The following AMPH variants were observed in gnomAD, a reference collection of about 807,000 sequenced individuals.
AMPH encodes the protein amphiphysin.
A neutral mutation model predicts 99.1 loss-of-function variants in AMPH; 49 were observed. The ratio of observed to expected loss-of-function variants is 0.49; its 90% CI spans 0.39 to 0.63. The LOEUF is 0.63. Among genes scored for constraint, AMPH ranks in the 20% least tolerant of loss-of-function variants. The probability of loss-of-function intolerance (pLI) is 0.00; values close to 1 mark genes in which losing one functional copy is unlikely to be tolerated. For synonymous variants in AMPH, 314 were observed against 317.3 expected, an observed-to-expected ratio of 0.99 and a Z score of 0.11; for missense variants, 759 against 863.4, an observed-to-expected ratio of 0.88 and a Z score of 1.52.
At chr7:38,529,110 TC>T (rs1234255977) in intron 2 of AMPH, among the ~76,000 whole-genome samples, 3 of 152,182 alleles carry the variant, frequency 2.0e-5, no homozygotes, top group Non-Finnish European at 4.4e-5. Flanking sequence ...GCCTCCCGGC[TC>T]TACAACCTTG....
intron 5 of AMPH, among the ~76,000 whole-genome samples, chr7:38,484,473 A>G (rs1178445380): frequency 6.6e-6 from 1 of 152,106 alleles, no homozygotes; most frequent in Non-Finnish European, 1.5e-5. Flanking sequence ...GAAAGAACGA[A>G]AAAACTGTGA....
chr7:38,471,842 G>C lies in AMPH; in HGVS notation c.590+3489C>G, dbSNP rs563705388. On this transcript the variant is annotated intron_variant, in intron 7 of 20. Coordinates refer to ENST00000356264, the MANE Select transcript of AMPH (RefSeq NM_001635.4). ...TGAAAAGAGAGCTTGAATGGCTATAGTAATATCAGACAAAATAGTCAAAAT... is the reference window on the plus strand; with the variant it reads ...TGAAAAGAGAGCTTGAATGGCTATACTAATATCAGACAAAATAGTCAAAAT... 1.1e-4 allele frequency among the ~76,000 whole-genome samples: 17 copies of C among 152,218 alleles called. No individual in the cohort carries two copies. In the South Asian group the frequency reaches 3.3e-3, roughly 30 times the overall value.
intron 1 of AMPH, among the ~76,000 whole-genome samples, chr7:38,563,920 T>C (rs1791640443): frequency 6.6e-6 from 1 of 152,174 alleles, no homozygotes; most frequent in Admixed American, 6.5e-5. Context: ...TGTTATCACC[T>C]CACCACACAT....
intron 3 of AMPH, 77 bp from the exon 4 acceptor site, chr7:38,494,604 G>T: frequency 1.5e-6 from 2 of 1,307,174 alleles, no homozygotes; most frequent in Non-Finnish European, 1.1e-6. Flanking sequence ...ACTTTCTTAA[G>T]TGAGAGAAAA....
intron 11 of AMPH, among the ~76,000 whole-genome samples, chr7:38,445,057 A>T: frequency 6.8e-6 from 1 of 146,290 alleles, no homozygotes; most frequent in Non-Finnish European, 1.5e-5. Context: ...TATAGATGGT[A>T]TATACATATA....
intron 2 of AMPH, among the ~76,000 whole-genome samples, chr7:38,534,603 G>T (rs920049264): frequency 6.6e-6 from 1 of 152,128 alleles, no homozygotes; most frequent in African/African-American, 2.4e-5. Context: ...TGAATCCAAG[G>T]ATGTTGAGGC....
intron 3 of AMPH, among the ~76,000 whole-genome samples, chr7:38,503,022 G>A (rs559436254): frequency 1.3e-4 from 19 of 145,256 alleles, no homozygotes; most frequent in Middle Eastern, 3.5e-3. Context: ...GGCAGGCAGC[G>A]TGATGATGGA....
In AMPH at chr7:38,631,353, G is replaced by T; in HGVS notation, c.-2C>A. On this transcript the variant is annotated 5_prime_UTR_variant, in exon 1 of 21. Coordinates refer to ENST00000356264, the MANE Select transcript of AMPH (RefSeq NM_001635.4). ...GATGCCCGTCTTGATGTCGGCCATG[G>T]CTGCGGGTCCGGGGAGCTGCGAAGA... The T allele has an allele frequency of 1.3e-6, 2 of 1,549,810 alleles. No homozygotes were observed. Among genetic ancestry groups the T allele is most frequent in the Admixed American group, 1.9e-5 (1 of 52,108 alleles).
At chr7:38,434,295 C>T (rs1287904923) in intron 12 of AMPH, among the ~76,000 whole-genome samples, 2 of 152,290 alleles carry the variant, frequency 1.3e-5, no homozygotes, top group South Asian at 2.1e-4. Context: ...TAAGGCCACA[C>T]ACAGTTTCAT....
At chr7:38,582,734 G>A (rs909286833) in intron 1 of AMPH, among the ~76,000 whole-genome samples, 1 of 152,196 alleles carries the variant, frequency 6.6e-6, no homozygotes. Context: ...AGACATGCAT[G>A]CATATACTTA....
At chr7:38,504,384 T>A (rs1019164224) in intron 2 of AMPH, among the ~76,000 whole-genome samples, 1 of 152,216 alleles carries the variant, frequency 6.6e-6, no homozygotes, top group African/African-American at 2.4e-5. Context: ...GTTTGGATAC[T>A]TTTTTAGAAA....
intron 2 of AMPH, among the ~76,000 whole-genome samples, chr7:38,505,025 G>T (rs1488030879): frequency 2.0e-5 from 3 of 151,980 alleles, no homozygotes; most frequent in Admixed American, 2.0e-4. Context: ...GTGGTGGGGG[G>T]ACCCTCTTTC....
chr7:38,474,884 C>T (rs1393444721), intron 7 of AMPH, among the ~76,000 whole-genome samples: 5 of 152,142 alleles, frequency 3.3e-5, no homozygotes, highest in Non-Finnish European at 2.9e-5. Context: ...GGCTTACCAT[C>T]TAAGCCAGAT....
chr7:38,589,840 C>T (rs1351768294), intron 1 of AMPH, among the ~76,000 whole-genome samples: 1 of 152,144 alleles, frequency 6.6e-6, no homozygotes, highest in Non-Finnish European at 1.5e-5. Flanking sequence ...CACAAAATTG[C>T]AAATGTTGGA....
intron 17 of AMPH, among the ~76,000 whole-genome samples, chr7:38,404,228 A>C (rs1784921032): frequency 6.6e-6 from 1 of 151,678 alleles, no homozygotes; most frequent in Non-Finnish European, 1.5e-5. Flanking sequence ...CCTTATCCCC[A>C]AGAGCTCAGC....
intron 17 of AMPH, among the ~76,000 whole-genome samples, chr7:38,417,419 A>AC (rs538643946): frequency 1.3e-3 from 197 of 152,328 alleles, no homozygotes; most frequent in African/African-American, 4.4e-3. Flanking sequence ...ACCTTAACCA[A>AC]CCTATGAAAC....
intron 2 of AMPH, among the ~76,000 whole-genome samples, chr7:38,505,485 A>G (rs1789290258): frequency 6.6e-6 from 1 of 152,216 alleles, no homozygotes; most frequent in African/African-American, 2.4e-5. Flanking sequence ...AGTGCTAAAC[A>G]ATTGACTCCC....
At chr7:38,450,145 C>T (rs1006877124) in intron 11 of AMPH, among the ~76,000 whole-genome samples, 10 of 152,224 alleles carry the variant, frequency 6.6e-5, no homozygotes, top group African/African-American at 2.4e-4. Context: ...ATTCCTATGG[C>T]GTGATAAGCA....
At chr7:38,482,068 C>T (rs908121710) in intron 5 of AMPH, among the ~76,000 whole-genome samples, 18 of 152,080 alleles carry the variant, frequency 1.2e-4, no homozygotes, top group African/African-American at 3.6e-4. Flanking sequence ...TCTCACTTTC[C>T]AATTCCAAAT....
Sources: allele counts gnomAD v4.1 joint callset (sites outside exome capture counted in the v4.1 genomes callset), GRCh38; gene constraint gnomAD v4.1.1; transcripts MANE v1.5; gene names NCBI Gene and HGNC (gene_info 2026-07-23, HGNC 2026-07-21).